Variants in FAM117B observed in about 807,000 individuals in gnomAD.
The protein encoded by FAM117B is family with sequence similarity 117 member B.
Under a neutral mutation model 52.8 loss-of-function variants are expected in FAM117B, and 22 were observed. The ratio of observed to expected loss-of-function variants is 0.42; its 90% CI spans 0.30 to 0.59. The LOEUF is 0.59. Ranked by LOEUF, FAM117B falls within the 20% of genes least tolerant of loss-of-function variation. FAM117B has a pLI of 0.22. For missense variants in FAM117B, 678 were observed against 802.6 expected, an observed-to-expected ratio of 0.84 and a Z score of 1.88; for synonymous variants, 309 against 324.1, an observed-to-expected ratio of 0.95 and a Z score of 0.50.
intron 1 of FAM117B, among the ~76,000 whole-genome samples, chr2:202,663,268 T>C (rs1016019513): frequency 1.3e-5 from 2 of 152,244 alleles, no homozygotes; most frequent in African/African-American, 4.8e-5. Context: ...GTGGTTTGAA[T>C]GTGATTGCAG....
chr2:202,669,536 T>G (rs1225721724), intron 1 of FAM117B, among the ~76,000 whole-genome samples: 1 of 152,208 alleles, frequency 6.6e-6, no homozygotes, highest in Non-Finnish European at 1.5e-5. Flanking sequence ...TCTAGATTTT[T>G]TTTTTGGAAG....
chr2:202,682,201 A>C (rs1690472524), intron 1 of FAM117B, among the ~76,000 whole-genome samples: 1 of 152,168 alleles, frequency 6.6e-6, no homozygotes, highest in African/African-American at 2.4e-5. Context: ...GTGTGACCTC[A>C]TTCCTCCTGG....
intron 2 of FAM117B, among the ~76,000 whole-genome samples, chr2:202,722,885 A>G (rs1691176799): frequency 6.6e-6 from 1 of 152,034 alleles, no homozygotes. Flanking sequence ...TAAGTTTATT[A>G]TTTTGATTTT....
At chr2:202,648,528 C>CA (rs1490948682) in intron 1 of FAM117B, among the ~76,000 whole-genome samples, 1 of 125,570 alleles carries the variant, frequency 8.0e-6, no homozygotes, top group Admixed American at 7.8e-5. Flanking sequence ...ACCCCCCCCC[C>CA]AAAACAAAAA....
rs771495981 is a variant in FAM117B, at chr2:202,757,274, C to T, written c.1166C>T (p.Thr389Met). ...CCCCTTGTACAGAGAAGTAGCAGCA[C>T]GCGCAGCATTGACACACAGACGCCT... ...PPPLVQRSSS[T>M]RSIDTQTPGG... Residue 389 changes from threonine to methionine, a missense_variant, in exon 6 of 8, where the codon ACG (threonine) becomes ATG (methionine). Coordinates refer to ENST00000392238, the MANE Select transcript of FAM117B (RefSeq NM_173511.4). The T allele has an allele frequency of 5.6e-6, 9 of 1,614,116 alleles. No individual in the cohort carries two copies. The highest frequency in any genetic ancestry group is 2.2e-5 in the East Asian group (1 of 44,882).
chr2:202,757,032 T>C (rs1691809906), intron 5 of FAM117B, among the ~76,000 whole-genome samples, 181 bp from the exon 6 acceptor site: 1 of 152,118 alleles, frequency 6.6e-6, no homozygotes, highest in Non-Finnish European at 1.5e-5. Flanking sequence ...CCGAAGACTC[T>C]CAGTGTGGGG....
chr2:202,725,254 C>A, intron 3 of FAM117B: 2 of 268,438 alleles, frequency 7.5e-6, no homozygotes, highest in Non-Finnish European at 1.4e-5. Flanking sequence ...TGTCTATTAA[C>A]ATCAGATTTA....
At chr2:202,759,146 A>G (rs1691843979) in intron 6 of FAM117B, 87 bp from the exon 7 acceptor site, 2 of 1,449,322 alleles carry the variant, frequency 1.4e-6, no homozygotes. Context: ...CCTGCCCTCA[A>G]GTAGTTCATG....
intron 2 of FAM117B, among the ~76,000 whole-genome samples, chr2:202,720,802 G>A (rs1284225600): frequency 6.6e-6 from 1 of 151,954 alleles, no homozygotes; most frequent in Non-Finnish European, 1.5e-5. Context: ...TAAACTGTTT[G>A]GTTTTGTAAT....
chr2:202,701,009 A>T (rs1396000005), intron 2 of FAM117B, among the ~76,000 whole-genome samples: 1 of 152,132 alleles, frequency 6.6e-6, no homozygotes, highest in Non-Finnish European at 1.5e-5. Flanking sequence ...TAGATTTTTA[A>T]TGACAAAACA....
intron 1 of FAM117B, among the ~76,000 whole-genome samples, chr2:202,677,886 A>C (rs535034115): frequency 6.6e-6 from 1 of 152,194 alleles, no homozygotes; most frequent in Admixed American, 6.5e-5. Context: ...CTCAATGCCT[A>C]ATAAATATGA....
chr2:202,694,188 CTTTTTT>C (rs757843381), intron 1 of FAM117B, among the ~76,000 whole-genome samples: 3,512 of 99,064 alleles, frequency 0.035, 141 homozygotes, highest in African/African-American at 0.14. Context: ...AAACCCACTT[CTTTTTT>C]TTTTTTTTTT....
At position 202,645,166 on chromosome 2, in the gene FAM117B, T is replaced by A. The variant is rs572859260; in HGVS notation, c.601+9378T>A. On this transcript the variant is annotated intron_variant, in intron 1 of 7. Coordinates refer to ENST00000392238, the MANE Select transcript of FAM117B (RefSeq NM_173511.4). ...ATATTTTCTTTTAAAAAATAGAGAC[T>A]GAGTCTCGCTGTATTGCCCAGGCTG... Among the ~76,000 whole-genome samples, 322 of 152,280 alleles carry A rather than the reference T, an allele frequency of 2.1e-3. 1 individual carries two copies. The highest frequency in any genetic ancestry group is 7.3e-3 in the African/African-American group (302 of 41,560).
At chr2:202,718,141 T>G (rs1691086400) in intron 2 of FAM117B, among the ~76,000 whole-genome samples, 1 of 151,992 alleles carries the variant, frequency 6.6e-6, no homozygotes, top group Admixed American at 6.5e-5. Context: ...AGTCAGCTTG[T>G]GGTTAATGCT....
chr2:202,698,727 ATT>A (rs1391217772), intron 2 of FAM117B, among the ~76,000 whole-genome samples: 1 of 152,138 alleles, frequency 6.6e-6, no homozygotes, highest in Non-Finnish European at 1.5e-5. Context: ...CCAGCCTAAA[ATT>A]GACTTTTTTA....
At position 202,635,714 on chromosome 2, in the gene FAM117B, A is replaced by C. The variant is rs1346607203; in HGVS notation, c.527A>C (p.His176Pro). 25 of 1,426,102 alleles carry C rather than the reference A, an allele frequency of 1.8e-5. No individual in the cohort carries two copies. Among genetic ancestry groups the C allele is most frequent in the Non-Finnish European group, 2.0e-5 (22 of 1,090,328 alleles). 88.3% of individuals were successfully genotyped at this position (1,426,102 alleles called of 1,614,324 possible). The change falls in exon 1 of 8, where the codon CAT becomes CCT. Residue 176 changes from histidine to proline, a missense_variant. His to Pro is a moderately conservative substitution (Grantham distance 77). Coordinates refer to ENST00000392238, the MANE Select transcript of FAM117B (RefSeq NM_173511.4). ...SAAPPPARVR[H>P]RRRSPEQSRS... Reference sequence around the variant, plus strand: ...GCCCCACCCCCAGCCCGCGTCCGGCATCGGAGGAGGTCTCCGGAGCAGAGC... The same window carrying C: ...GCCCCACCCCCAGCCCGCGTCCGGCCTCGGAGGAGGTCTCCGGAGCAGAGC...
intron 1 of FAM117B, among the ~76,000 whole-genome samples, chr2:202,681,324 A>G (rs191133663): frequency 1.1e-4 from 17 of 152,326 alleles, no homozygotes; most frequent in African/African-American, 4.1e-4. Context: ...ATAATATTAA[A>G]TACTTTAACC....
At chr2:202,746,962 A>C (rs532685753) in intron 4 of FAM117B, among the ~76,000 whole-genome samples, 581 of 43,752 alleles carry the variant, frequency 0.013, 6 homozygotes, top group African/African-American at 0.032. Context: ...AAAAAACAAA[A>C]CAAAAAAAAA....
chr2:202,714,371 G>T (rs184767184), intron 2 of FAM117B, among the ~76,000 whole-genome samples: 1 of 152,136 alleles, frequency 6.6e-6, no homozygotes, highest in African/African-American at 2.4e-5. Context: ...TTGATTTTAT[G>T]TATAAATGAA....
Sources: allele counts gnomAD v4.1 joint callset (sites outside exome capture counted in the v4.1 genomes callset), GRCh38; gene constraint gnomAD v4.1.1; transcripts MANE v1.5; gene names NCBI Gene and HGNC (gene_info 2026-07-23, HGNC 2026-07-21).